The following DLGAP4 variants were observed in gnomAD, a reference collection of about 807,000 sequenced individuals.
DLGAP4 encodes the protein disks large-associated protein 4.
In DLGAP4, 18 loss-of-function variants were observed where a neutral mutation model predicts 86.9. The ratio of observed to expected loss-of-function variants is 0.21; its 90% CI spans 0.14 to 0.31. The LOEUF (loss-of-function observed/expected upper bound fraction) is 0.31, where lower values mean the gene tolerates loss of function less well. DLGAP4 is among the 10% of genes least tolerant of loss of function. The probability of loss-of-function intolerance (pLI) is 1.00; values close to 1 mark genes in which losing one functional copy is unlikely to be tolerated. For synonymous variants in DLGAP4, 548 were observed against 574.3 expected, an observed-to-expected ratio of 0.95 and a Z score of 0.65; for missense variants, 1,085 against 1,362.6, an observed-to-expected ratio of 0.80 and a Z score of 3.21.
In DLGAP4 at chr20:36,528,090, T is replaced by C. The variant is rs371222818; in HGVS notation, c.*1059T>C. 4 of 151,896 alleles carry C rather than the reference T, an allele frequency of 2.6e-5. No homozygotes were observed. The East Asian group carries it at 7.8e-4, about 30-fold the overall frequency. 9.4% of individuals were successfully genotyped at this position (151,896 alleles called of 1,614,324 possible). On this transcript the variant is annotated 3_prime_UTR_variant, in exon 13 of 13. Transcript: ENST00000339266. The stretch of plus-strand genomic sequence containing the variant: ...TTTTTACATGTACTATATCTAGGTG[T>C]GTGTACAAGTGTGTGTAAAAATATA...
chr20:36,346,363 T>C (rs980344177), intron 1 of DLGAP4, among the ~76,000 whole-genome samples: 21 of 152,226 alleles, frequency 1.4e-4, no homozygotes, highest in African/African-American at 5.1e-4. Flanking sequence ...AGCTCTGCCC[T>C]CTGGGACAGG....
chr20:36,397,294 C>T (rs957532604), intron 2 of DLGAP4, among the ~76,000 whole-genome samples: 1 of 152,118 alleles, frequency 6.6e-6, no homozygotes, highest in African/African-American at 2.4e-5. Flanking sequence ...TTCTGGGAAC[C>T]CAACTTGAGA....
intron 1 of DLGAP4, among the ~76,000 whole-genome samples, chr20:36,357,028 C>T (rs1468576616): frequency 6.6e-6 from 1 of 152,170 alleles, no homozygotes; most frequent in Non-Finnish European, 1.5e-5. Flanking sequence ...CCACCCACCT[C>T]TAGACTACCC....
Position 36,500,268 on chromosome 20 carries a change from C to A in DLGAP4, c.2169C>A (p.Asp723Glu). Residue 723 changes from aspartate (D) to glutamate (E), a missense_variant, in exon 10 of 13, where the codon GAC becomes GAA. Physicochemically the swap from Asp to Glu is conservative, Grantham distance 45. Coordinates refer to ENST00000339266, the MANE Select transcript of DLGAP4 (RefSeq NM_001365621.2). The surrounding 1 kb of genome is among the most constrained non-coding windows in gnomAD (Gnocchi z 4.6). ...DTDSDTQDAN[D>E]SSCKSSERSL... ...ACTCGGATACCCAGGATGCCAATGA[C>A]TCAAGCTGTAAGTCATCTGAGAGGA... 1.9e-6 allele frequency: 3 copies of A among 1,612,272 alleles called. No individual in the cohort carries two copies. Among genetic ancestry groups the A allele is most frequent in the Non-Finnish European group, 2.5e-6 (3 of 1,179,080 alleles).
chr20:36,450,616 T>G (rs1280114151), intron 7 of DLGAP4, among the ~76,000 whole-genome samples: 2 of 152,198 alleles, frequency 1.3e-5, no homozygotes, highest in East Asian at 1.9e-4. Flanking sequence ...AAAAGTCTCA[T>G]CCAATCATGA....
At chr20:36,471,161 T>G (rs1374078182) in intron 7 of DLGAP4, among the ~76,000 whole-genome samples, 2 of 152,208 alleles carry the variant, frequency 1.3e-5, no homozygotes, top group East Asian at 1.9e-4. Context: ...CTGCACCTGC[T>G]TAGCAACGGT....
chr20:36,493,378 G>C (rs557128946), intron 7 of DLGAP4, among the ~76,000 whole-genome samples: 142 of 152,328 alleles, frequency 9.3e-4, no homozygotes, highest in South Asian at 2.9e-3. Flanking sequence ...CCATCCTTGA[G>C]GGAGAAGATG....
At chr20:36,354,773 GA>G (rs1272595997) in intron 1 of DLGAP4, among the ~76,000 whole-genome samples, 1 of 151,922 alleles carries the variant, frequency 6.6e-6, no homozygotes, top group African/African-American at 2.4e-5. Flanking sequence ...TCTTAAAAAT[GA>G]AAAAAGAAAA....
rs544396094 is a variant in DLGAP4, at chr20:36,516,148, C to A, written c.2513-8102C>A. 4.4e-4 allele frequency among the ~76,000 whole-genome samples: 67 copies of A among 152,282 alleles called. 1 individual carries two copies. The highest frequency in any genetic ancestry group is 1.6e-3 in the African/African-American group (67 of 41,570). On this transcript the variant is annotated intron_variant, in intron 10 of 12. Transcript: ENST00000339266. ...ACATACAACTATGCATATCTTGCTG[C>A]AGGGGAGTCTAGGAAATGCTTGATT...
intron 8 of DLGAP4, chr20:36,499,117 A>T: frequency 1.0e-6 from 1 of 955,038 alleles, no homozygotes; most frequent in Non-Finnish European, 1.6e-6. Flanking sequence ...TCAGGGAGTG[A>T]TCTTTGCCTC....
chr20:36,513,795 CTGAG>C (rs1191808319), intron 10 of DLGAP4, among the ~76,000 whole-genome samples: 3 of 152,062 alleles, frequency 2.0e-5, no homozygotes, highest in Non-Finnish European at 1.5e-5. Flanking sequence ...GGCTTGGAGT[CTGAG>C]TGAAGAAGAG....
chr20:36,520,482 G>A (rs1379980924), intron 10 of DLGAP4, among the ~76,000 whole-genome samples: 2 of 151,958 alleles, frequency 1.3e-5, no homozygotes, highest in South Asian at 2.1e-4. Flanking sequence ...GAGTAGCTGC[G>A]ATTAATAGGC....
At chr20:36,457,290 C>T (rs2033901716) in intron 7 of DLGAP4, among the ~76,000 whole-genome samples, 2 of 151,996 alleles carry the variant, frequency 1.3e-5, no homozygotes, top group East Asian at 1.9e-4. Flanking sequence ...GAGATCTTGG[C>T]TCACTGCAAC....
At chr20:36,490,621 A>C (rs1025431141) in intron 7 of DLGAP4, among the ~76,000 whole-genome samples, 1 of 152,132 alleles carries the variant, frequency 6.6e-6, no homozygotes, top group African/African-American at 2.4e-5. Flanking sequence ...CTTTGCTGTA[A>C]AGCCTGAGCC....
At position 36,381,175 on chromosome 20, in the gene DLGAP4, T is replaced by G. The variant is rs1303641445; in HGVS notation, c.-73+13900T>G. ...CTACCTACATGTATTCATTCATTCA[T>G]TCAGCAAGCAAGCAAGCATATATTG... is the stretch of plus-strand genomic sequence containing the variant. On this transcript the variant is annotated intron_variant, in intron 2 of 12. Transcript: ENST00000339266. Among the ~76,000 whole-genome samples, 8 of 152,244 alleles carry G rather than the reference T, an allele frequency of 5.3e-5. 1 individual carries two copies. The South Asian group carries it at 8.3e-4, about 16-fold the overall frequency.
chr20:36,431,543 C>T lies in DLGAP4; in HGVS notation c.-72-103C>T. 1.4e-6 allele frequency: 1 copy of T among 694,070 alleles called. No homozygotes were observed. Among genetic ancestry groups the T allele is most frequent in the Non-Finnish European group, 2.3e-6 (1 of 426,908 alleles). 43.0% of individuals were successfully genotyped at this position (694,070 alleles called of 1,614,324 possible). A position where few individuals can be genotyped will look rare whatever the true frequency, so the allele number is the denominator to read the frequency against. On this transcript the variant is annotated intron_variant, in intron 2 of 12. Coordinates refer to ENST00000339266, the MANE Select transcript of DLGAP4 (RefSeq NM_001365621.2). The surrounding 1 kb of genome is among the most constrained non-coding windows in gnomAD (Gnocchi z 5.1). ...TCAGGCCCACAACATTGAGGACTGG[C>T]TTCAGAGATCCTCCCAGCCTTGCGA...
intron 7 of DLGAP4, chr20:36,462,399 C>T: frequency 7.1e-7 from 1 of 1,412,834 alleles, no homozygotes; most frequent in Non-Finnish European, 9.1e-7. Flanking sequence ...CACTCTGTGC[C>T]TCTTGCGCTG....
intron 2 of DLGAP4, among the ~76,000 whole-genome samples, chr20:36,404,316 C>A (rs1182352832): frequency 6.6e-6 from 1 of 152,120 alleles, no homozygotes; most frequent in Non-Finnish European, 1.5e-5. Context: ...TGCAGAGCTC[C>A]AGGTGGTGGA....
intron 7 of DLGAP4, among the ~76,000 whole-genome samples, chr20:36,454,100 G>A (rs1228583763): frequency 2.6e-5 from 4 of 151,474 alleles, no homozygotes; most frequent in Non-Finnish European, 2.9e-5. Context: ...GCAAAACCCC[G>A]TCTCTACTAA....
Sources: gnomAD v4.1 joint callset for allele counts (sites outside exome capture counted in the v4.1 genomes callset) on GRCh38, gnomAD v4.1.1 for gene constraint, Gnocchi (gnomAD v3.1) non-coding constraint, MANE v1.5 for transcripts, NCBI Gene and HGNC (gene_info 2026-07-23, HGNC 2026-07-21) for gene names.